Variants in SLC2A4 observed in about 807,000 individuals in gnomAD.
SLC2A4 encodes the protein solute carrier family 2 member 4.
Under a neutral mutation model 53.3 loss-of-function variants are expected in SLC2A4, and 31 were observed. The ratio of observed to expected loss-of-function variants is 0.58; its 90% confidence interval spans 0.44 to 0.78. SLC2A4 has a LOEUF of 0.78. Ranked by LOEUF, SLC2A4 falls within the 30% of genes least tolerant of loss-of-function variation. The probability of loss-of-function intolerance (pLI) is 0.00; values close to 1 mark genes in which losing one functional copy is unlikely to be tolerated. For synonymous variants in SLC2A4, 276 were observed against 281.9 expected (o/e 0.98, Z 0.21); for missense variants, 538 against 655.7 (o/e 0.82, Z 1.96).
rs1166854682 is a variant in SLC2A4 at position 7,284,731 on chromosome 17, G to C, written c.915+59G>C. 3.7e-6 allele frequency: 6 copies of C among 1,610,170 alleles called. No individual in the cohort carries two copies. In the East Asian group the frequency reaches 8.9e-5, roughly 24 times the overall value. ...CCCCGGGAGGGTAGACGAGAGTGGG[G>C]AGCAAACCCCCTCCACCAACACCCA... On this transcript the variant is annotated intron_variant, in intron 7 of 10. Coordinates refer to ENST00000317370, the MANE Select transcript of SLC2A4 (RefSeq NM_001042.3). The surrounding 1 kb of genome is among the most constrained non-coding windows in gnomAD (Gnocchi z 7.5).
rs1339016203 is a variant in SLC2A4 at position 7,286,965 on chromosome 17, G to A, written c.*336G>A. On this transcript the variant is annotated 3_prime_UTR_variant, in exon 11 of 11. Transcript: ENST00000317370. ...CTTCGCTGCTAGAGAAGGGGGATTG[G>A]AGGGAAGACAGGTCTAGACTTTCTC... 2.8e-6 allele frequency: 1 copy of A among 362,088 alleles called. No individual in the cohort carries two copies. Among genetic ancestry groups the A allele is most frequent in the African/African-American group, 2.1e-5 (1 of 47,246 alleles). The allele number at this position is 362,088 out of a possible 1,614,324, so 22.4% of individuals were successfully genotyped here.
chr17:7,285,081 C>T lies in SLC2A4; in HGVS notation c.1021-7C>T. Reference sequence around the variant, plus strand: ...AGGCTGGGGTCAAGCTCCGACTCTCCCCGCAGGTGTTGTTGGTGGAGCGGG... The same window carrying T: ...AGGCTGGGGTCAAGCTCCGACTCTCTCCGCAGGTGTTGTTGGTGGAGCGGG... On this transcript the variant is annotated splice_polypyrimidine_tract_variant and splice_region_variant and intron_variant, in intron 8 of 10. Coordinates refer to ENST00000317370, the MANE Select transcript of SLC2A4 (RefSeq NM_001042.3). The surrounding 1 kb of genome is among the most constrained non-coding windows in gnomAD (Gnocchi z 6.0). 1 of 1,607,034 alleles carries T rather than the reference C, an allele frequency of 6.2e-7. No homozygotes were observed. The highest frequency in any genetic ancestry group is 8.5e-7 in the Non-Finnish European group (1 of 1,177,470).
chr17:7,286,711 C>T lies in SLC2A4; in HGVS notation c.*82C>T, dbSNP rs531249937. 100 of 1,226,950 alleles carry T rather than the reference C, an allele frequency of 8.2e-5. No homozygotes were observed. The African/African-American group carries it at 1.3e-3, about 15-fold the overall frequency. The allele number at this position is 1,226,950 out of a possible 1,614,324, so 76.0% of individuals were successfully genotyped here. On this transcript the variant is annotated 3_prime_UTR_variant, in exon 11 of 11. Coordinates refer to ENST00000317370, the MANE Select transcript of SLC2A4 (RefSeq NM_001042.3). ...CTTTCCTCTGCAGCACTTTAACCCT[C>T]TCTTCCCTATTATTTCCGGGTGGAA... is the stretch of plus-strand genomic sequence containing the variant.
rs769768362 is a variant in SLC2A4 at position 7,284,910 on chromosome 17, G to A, written c.991G>A (p.Val331Met). 1 of 1,614,210 alleles carries A rather than the reference G, an allele frequency of 6.2e-7. No homozygotes were observed. The highest frequency in any genetic ancestry group is 1.7e-5 in the Admixed American group (1 of 60,026). ...TGCCTATGCCACCATAGGAGCTGGT[G>A]TGGTCAACACAGTCTTCACCTTGGT... Reference protein sequence around the residue: ...QPAYATIGAGVVNTVFTLVSV... With the variant: ...QPAYATIGAGMVNTVFTLVSV... The change falls in exon 8 of 11, where the codon GTG (valine) becomes ATG (methionine). Residue 331 changes from valine (V) to methionine (M), a missense_variant. Coordinates refer to ENST00000317370, the MANE Select transcript of SLC2A4 (RefSeq NM_001042.3). The surrounding 1 kb of genome is among the most constrained non-coding windows in gnomAD (Gnocchi z 7.5).
Position 7,282,485 on chromosome 17 carries a change from G to A in SLC2A4, c.33+518G>A, listed in dbSNP as rs1196305652. 2.5e-5 allele frequency: 11 copies of A among 444,002 alleles called. 1 individual carries two copies. In the East Asian group the frequency reaches 7.7e-4, roughly 31 times the overall value. 27.5% of individuals were successfully genotyped at this position (444,002 alleles called of 1,614,324 possible). A position where few individuals can be genotyped will look rare whatever the true frequency, so the allele number is the denominator to read the frequency against. On this transcript the variant is annotated intron_variant, in intron 1 of 10. Coordinates refer to ENST00000317370, the MANE Select transcript of SLC2A4 (RefSeq NM_001042.3). This position sits in a 1 kb window ranked among gnomAD's most constrained non-coding sequence, Gnocchi z 4.1. ...CCCCCCTCCTCCAGCTCAGGTTTCCGCTTGGAGACAGTCTGTGCCGCCAGC... is the reference window on the plus strand; with the variant it reads ...CCCCCCTCCTCCAGCTCAGGTTTCCACTTGGAGACAGTCTGTGCCGCCAGC...
In SLC2A4 at chr17:7,283,457, C is replaced by T. The variant is rs766408120; in HGVS notation, c.151-16C>T. ...GGGGACGGTCTGCAGGAAATCTGTC[C>T]TCTGCTGTCCCCCAGGTGATTGAAC... On this transcript the variant is annotated splice_polypyrimidine_tract_variant and intron_variant, in intron 2 of 10. Transcript: ENST00000317370. The surrounding 1 kb of genome is among the most constrained non-coding windows in gnomAD (Gnocchi z 5.8). The T allele has an allele frequency of 1.9e-5, 31 of 1,612,942 alleles. No homozygotes were observed. The South Asian group carries it at 2.7e-4, about 14-fold the overall frequency.
chr17:7,286,432 A>T lies in SLC2A4; in HGVS notation c.1333A>T (p.Met445Leu), dbSNP rs747104649. 6.2e-7 allele frequency: 1 copy of T among 1,613,656 alleles called. No individual in the cohort carries two copies. The stretch of plus-strand genomic sequence containing the variant: ...CTTTCTCCACCTGTCCCAGGAGGCT[A>T]TGGGGCCCTACGTCTTCCTTCTATT... ...GMGFQYVAEA[M>L]GPYVFLLFAV... The change falls in exon 11 of 11, where the codon ATG (methionine) becomes TTG (leucine). Residue 445 changes from methionine to leucine, a missense_variant. Physicochemically the swap from Met to Leu is conservative, Grantham distance 15. Coordinates refer to ENST00000317370, the MANE Select transcript of SLC2A4 (RefSeq NM_001042.3).
rs2072414018 is a variant in SLC2A4 at position 7,282,847 on chromosome 17, ACT to A, written c.34-394_34-393del. The A allele has an allele frequency of 2.8e-6, 1 of 356,058 alleles. No individual in the cohort carries two copies. Among genetic ancestry groups the A allele is most frequent in the Non-Finnish European group, 5.5e-6 (1 of 182,130 alleles). 22.1% of individuals were successfully genotyped at this position (356,058 alleles called of 1,614,324 possible). A position where few individuals can be genotyped will look rare whatever the true frequency, so the allele number is the denominator to read the frequency against. The stretch of plus-strand genomic sequence containing the variant: ...AACATGTGATGTTGATTTTCACAAC[ACT>A]CTCACAGATAGGTAGGCAAGGCAGG... On this transcript the variant is annotated intron_variant, in intron 1 of 10. Transcript: ENST00000317370. The surrounding 1 kb of genome is among the most constrained non-coding windows in gnomAD (Gnocchi z 4.1).
At position 7,283,683 on chromosome 17, in the gene SLC2A4, G is replaced by A. The variant is rs759503939; in HGVS notation, c.323+38G>A. The A allele has an allele frequency of 1.4e-5, 22 of 1,613,800 alleles. No individual in the cohort carries two copies. The African/African-American group carries it at 1.6e-4, about 12-fold the overall frequency. On this transcript the variant is annotated intron_variant, in intron 3 of 10. Transcript: ENST00000317370. This position sits in a 1 kb window ranked among gnomAD's most constrained non-coding sequence, Gnocchi z 5.8. ...AGGGCAGGGGTGGGGGAAACAGGAA[G>A]GGAGCCACTGCTGGGTGCCCTCACC...
In SLC2A4 at chr17:7,282,819, G is replaced by A; in HGVS notation, c.34-426G>A. ...TGAAACCAGCACTGTCAAGGATATT[G>A]TTAACATGTGATGTTGATTTTCACA... On this transcript the variant is annotated intron_variant, in intron 1 of 10. Coordinates refer to ENST00000317370, the MANE Select transcript of SLC2A4 (RefSeq NM_001042.3). This position sits in a 1 kb window ranked among gnomAD's most constrained non-coding sequence, Gnocchi z 4.1. The A allele has an allele frequency of 2.9e-6, 1 of 350,170 alleles. No individual in the cohort carries two copies. The highest frequency in any genetic ancestry group is 2.2e-5 in the South Asian group (1 of 44,650). 21.7% of individuals were successfully genotyped at this position (350,170 alleles called of 1,614,324 possible).
chr17:7,281,836 C>A lies in SLC2A4; in HGVS notation c.-99C>A. On this transcript the variant is annotated 5_prime_UTR_variant, in exon 1 of 11. Transcript: ENST00000317370. ...CTCGCACGTCACTCCGGGACCCCCG[C>A]GGCCTCCGCAGGTTCTGCGCTCCAG... 1 of 1,287,252 alleles carries A rather than the reference C, an allele frequency of 7.8e-7. No homozygotes were observed. Among genetic ancestry groups the A allele is most frequent in the Non-Finnish European group, 1.1e-6 (1 of 907,166 alleles). 79.7% of individuals were successfully genotyped at this position (1,287,252 alleles called of 1,614,324 possible). A position where few individuals can be genotyped will look rare whatever the true frequency, so the allele number is the denominator to read the frequency against.
rs1465562308 is a variant in SLC2A4, at chr17:7,283,777, G to T, written c.363G>T (p.Leu121=). ...TGGTCAACAATGTCCTGGCGGTGCTGGGGGGCAGCCTCATGGGCCTGGCCA... is the reference window on the plus strand; with the variant it reads ...TGGTCAACAATGTCCTGGCGGTGCTTGGGGGCAGCCTCATGGGCCTGGCCA... ...AMLVNNVLAV[L]GGSLMGLANA... Residue 121 remains leucine (L), a synonymous_variant, in exon 4 of 11, where the codon CTG becomes CTT. Transcript: ENST00000317370. This position sits in a 1 kb window ranked among gnomAD's most constrained non-coding sequence, Gnocchi z 5.8. 4 of 1,613,840 alleles carry T rather than the reference G, an allele frequency of 2.5e-6. No individual in the cohort carries two copies. Among genetic ancestry groups the T allele is most frequent in the Non-Finnish European group, 3.4e-6 (4 of 1,179,994 alleles).
In SLC2A4 at chr17:7,283,943, G is replaced by A. The variant is rs1419266180; in HGVS notation, c.449-31G>A. On this transcript the variant is annotated intron_variant, in intron 4 of 10. Transcript: ENST00000317370. This position sits in a 1 kb window ranked among gnomAD's most constrained non-coding sequence, Gnocchi z 5.8. Reference sequence around the variant, plus strand: ...GGCTTTCAGATGGGAATGGACACCTGCCCTCAGCCCTCTCTTCTTCCCTCG... The same window carrying A: ...GGCTTTCAGATGGGAATGGACACCTACCCTCAGCCCTCTCTTCTTCCCTCG... The A allele has an allele frequency of 6.2e-7, 1 of 1,612,914 alleles. No homozygotes were observed. The highest frequency in any genetic ancestry group is 8.5e-7 in the Non-Finnish European group (1 of 1,179,124).
rs1234993582 is a variant in SLC2A4, at chr17:7,286,680, C to A, written c.*51C>A. The stretch of plus-strand genomic sequence containing the variant: ...AGCTCTCTCTACCCGGCCCAGAGAC[C>A]CCTTCCTTTCCTCTGCAGCACTTTA... On this transcript the variant is annotated 3_prime_UTR_variant, in exon 11 of 11. Transcript: ENST00000317370. 1 of 1,465,120 alleles carries A rather than the reference C, an allele frequency of 6.8e-7. No individual in the cohort carries two copies. Among genetic ancestry groups the A allele is most frequent in the South Asian group, 1.1e-5 (1 of 87,912 alleles). 90.8% of individuals were successfully genotyped at this position (1,465,120 alleles called of 1,614,324 possible).
chr17:7,282,469 T>G lies in SLC2A4; in HGVS notation c.33+502T>G, dbSNP rs222848. 1 of 452,138 alleles carries G rather than the reference T, an allele frequency of 2.2e-6. No homozygotes were observed. Among genetic ancestry groups the G allele is most frequent in the African/African-American group, 2.0e-5 (1 of 50,038 alleles). The allele number at this position is 452,138 out of a possible 1,614,324, so 28.0% of individuals were successfully genotyped here. ...AGAGGGGACTGTCAGCCCCCCCTCC[T>G]CCAGCTCAGGTTTCCGCTTGGAGAC... On this transcript the variant is annotated intron_variant, in intron 1 of 10. Coordinates refer to ENST00000317370, the MANE Select transcript of SLC2A4 (RefSeq NM_001042.3). The surrounding 1 kb of genome is among the most constrained non-coding windows in gnomAD (Gnocchi z 4.1).
Position 7,281,887 on chromosome 17 carries a change from G to C in SLC2A4, c.-48G>C, listed in dbSNP as rs1331607999. ...GCCGGAGTCAGAGACTCCAGGATCG[G>C]TTCTTTCATCTTCGCCGCCCCTGCG... On this transcript the variant is annotated 5_prime_UTR_variant, in exon 1 of 11. Transcript: ENST00000317370. 6.4e-7 allele frequency: 1 copy of C among 1,552,256 alleles called. No homozygotes were observed. Among genetic ancestry groups the C allele is most frequent in the African/African-American group, 1.4e-5 (1 of 73,582 alleles).
intron 10 of SLC2A4, chr17:7,286,175 G>T (rs1282799717): frequency 9.6e-6 from 6 of 627,340 alleles, no homozygotes; most frequent in Non-Finnish European, 1.7e-5. Context: ...ACTACAAACA[G>T]CTGGGACTCT....
Position 7,284,210 on chromosome 17 carries a change from C to A in SLC2A4, c.565-7C>A. 1 of 1,612,380 alleles carries A rather than the reference C, an allele frequency of 6.2e-7. No homozygotes were observed. Among genetic ancestry groups the A allele is most frequent in the Non-Finnish European group, 8.5e-7 (1 of 1,180,022 alleles). On this transcript the variant is annotated splice_region_variant and splice_polypyrimidine_tract_variant and intron_variant, in intron 5 of 10. Coordinates refer to ENST00000317370, the MANE Select transcript of SLC2A4 (RefSeq NM_001042.3). The surrounding 1 kb of genome is among the most constrained non-coding windows in gnomAD (Gnocchi z 7.5). ...GACCTGCCTTCTTTCCCAACCTTCTCCCACAGGTGCTGGGCTTGGAGTCCC... is the reference window on the plus strand; with the variant it reads ...GACCTGCCTTCTTTCCCAACCTTCTACCACAGGTGCTGGGCTTGGAGTCCC...
In SLC2A4 at chr17:7,285,226, C is replaced by A; in HGVS notation, c.1122+37C>A. 1.3e-6 allele frequency: 2 copies of A among 1,514,636 alleles called. No individual in the cohort carries two copies. Among genetic ancestry groups the A allele is most frequent in the Non-Finnish European group, 1.8e-6 (2 of 1,111,684 alleles). 93.8% of individuals were successfully genotyped at this position (1,514,636 alleles called of 1,614,324 possible). ...AGGCTAGGAGGGGCTAGCAGCCCACCCCATGGGAATGGTCCTGTGAGTCTC... is the reference window on the plus strand; with the variant it reads ...AGGCTAGGAGGGGCTAGCAGCCCACACCATGGGAATGGTCCTGTGAGTCTC... On this transcript the variant is annotated intron_variant, in intron 9 of 10. Coordinates refer to ENST00000317370, the MANE Select transcript of SLC2A4 (RefSeq NM_001042.3). This position sits in a 1 kb window ranked among gnomAD's most constrained non-coding sequence, Gnocchi z 6.0.
Sources: gnomAD v4.1 joint callset for allele counts on GRCh38, gnomAD v4.1.1 for gene constraint, Gnocchi (gnomAD v3.1) non-coding constraint, MANE v1.5 for transcripts, NCBI Gene and HGNC (gene_info 2026-07-23, HGNC 2026-07-21) for gene names.